The following UPF3A variants were observed in gnomAD, a reference collection of about 807,000 sequenced individuals.
UPF3A encodes the protein regulator of nonsense transcripts 3A.
Under a neutral mutation model 53.5 loss-of-function variants are expected in UPF3A, and 42 were observed. The observed-to-expected ratio is 0.78, with a 90% CI of 0.61 to 1.01. UPF3A has a LOEUF of 1.01. Among genes scored for constraint, UPF3A ranks in the 50% least tolerant of loss-of-function variants. The pLI, the probability that UPF3A is intolerant of heterozygous loss-of-function variation, is 0.00. For synonymous variants in UPF3A, 237 were observed against 225.3 expected (o/e 1.05, Z -0.47); for missense variants, 575 against 598.0 (o/e 0.96, Z 0.40).
Position 114,282,092 on chromosome 13 carries a change from A to C in UPF3A, c.279A>C (p.Ala93=). The C allele has an allele frequency of 6.3e-7, 1 of 1,579,096 alleles. No individual in the cohort carries two copies. Among genetic ancestry groups the C allele is most frequent in the Non-Finnish European group, 8.6e-7 (1 of 1,163,598 alleles). Residue 93 remains alanine (A), a synonymous_variant, in exon 2 of 10, where the codon GCA becomes GCC. Transcript: ENST00000375299. ...AGGAGCAGCTGCGCCCGCTGCCAGC[A>C]CACGACTACTTCGAGTTCTTCGCCG... is the stretch of plus-strand genomic sequence containing the variant. ...QLEEQLRPLP[A]HDYFEFFAAD...
intron 3 of UPF3A, chr13:114,283,628 C>T (rs942118053): frequency 2.5e-6 from 1 of 393,134 alleles, no homozygotes; most frequent in East Asian, 1.6e-4. Context: ...AAACAGCATC[C>T]TTCATGACTG....
At chr13:114,295,393 GCGGCTCTGGCGTGCTCCC>G (rs1453367515) in intron 7 of UPF3A, among the ~76,000 whole-genome samples, 51 of 148,032 alleles carry the variant, frequency 3.4e-4, no homozygotes, top group Middle Eastern at 3.5e-3. Flanking sequence ...CTCGTCTCCA[GCGGCTCTGGCGTGCTCCC>G]CAGCTCGTCT....
At chr13:114,282,488 C>T in intron 2 of UPF3A, 1 of 985,438 alleles carries the variant, frequency 1.0e-6, no homozygotes, top group Non-Finnish European at 1.2e-6. Flanking sequence ...GGCCTCCACG[C>T]TGGTGCCGCA....
At chr13:114,282,997 G>C in intron 3 of UPF3A, 54 bp downstream of exon 3, 1 of 1,256,686 alleles carries the variant, frequency 8.0e-7, no homozygotes, top group Non-Finnish European at 1.1e-6. Flanking sequence ...TACTAATGAA[G>C]TATTGCTAGA....
intron 7 of UPF3A, among the ~76,000 whole-genome samples, chr13:114,292,161 T>C (rs148070500): frequency 2.0e-5 from 3 of 151,192 alleles, no homozygotes; most frequent in East Asian, 1.9e-4. Context: ...GCAGGTGTGT[T>C]ACATGTTCAT....
chr13:114,282,292 A>T (rs1594742182), intron 2 of UPF3A, 165 bp downstream of exon 2: 1 of 839,018 alleles, frequency 1.2e-6, no homozygotes. Context: ...CGTCAAAGAA[A>T]AATACCACCA....
rs201193384 is a variant in UPF3A, at chr13:114,289,045, GGA to G, written c.631+2420_631+2421del. Among the ~76,000 whole-genome samples the G allele has an allele frequency of 8.7e-3, 1,318 of 152,198 alleles. 16 individuals carry two copies. Among genetic ancestry groups the G allele is most frequent in the African/African-American group, 0.029 (1,224 of 41,508 alleles). Reference sequence around the variant, plus strand: ...AGACACGTGGCTCCTGCCGGGGTGGGGAGAGGGGGGCATGTCCTGGCACCTCC... The same window carrying G: ...AGACACGTGGCTCCTGCCGGGGTGGGGAGGGGGGCATGTCCTGGCACCTCC... On this transcript the variant is annotated intron_variant, in intron 5 of 9. Transcript: ENST00000375299.
In UPF3A at chr13:114,282,927, C is replaced by T; in HGVS notation, c.405C>T (p.Ile135=). 1 of 1,607,472 alleles carries T rather than the reference C, an allele frequency of 6.2e-7. No individual in the cohort carries two copies. Among genetic ancestry groups the T allele is most frequent in the Non-Finnish European group, 8.5e-7 (1 of 1,175,402 alleles). Residue 135 remains isoleucine (I), a synonymous_variant, in exon 3 of 10, where the codon ATC becomes ATT. Coordinates refer to ENST00000375299, the MANE Select transcript of UPF3A (RefSeq NM_023011.4). ...TTAGAGATCGTTTTGATGGATATATCTTCCTTGACAGCAAAGGTTGGATTA... is the reference window on the plus strand; with the variant it reads ...TTAGAGATCGTTTTGATGGATATATTTTCCTTGACAGCAAAGGTTGGATTA... ...LLFRDRFDGY[I]FLDSKGLEYP...
At chr13:114,288,027 ACTC>A (rs1362538230) in intron 5 of UPF3A, among the ~76,000 whole-genome samples, 1 of 151,518 alleles carries the variant, frequency 6.6e-6, no homozygotes. Context: ...CTGGTCTTGA[ACTC>A]CTGATCTCAG....
At chr13:114,292,980 G>GAGA (rs1259298540) in intron 7 of UPF3A, among the ~76,000 whole-genome samples, 1 of 150,398 alleles carries the variant, frequency 6.6e-6, no homozygotes, top group African/African-American at 2.5e-5. Flanking sequence ...GCTGAGGCAG[G>GAGA]AGAATCGCTT....
intron 7 of UPF3A, among the ~76,000 whole-genome samples, chr13:114,297,644 C>G (rs536492589): frequency 3.9e-5 from 6 of 152,068 alleles, no homozygotes; most frequent in Non-Finnish European, 8.8e-5. Context: ...GCCTGGCCAA[C>G]ATGATGAAAT....
chr13:114,297,905 G>A (rs372635355), intron 7 of UPF3A, among the ~76,000 whole-genome samples: 17 of 152,338 alleles, frequency 1.1e-4, no homozygotes, highest in African/African-American at 3.8e-4. Context: ...CTATTCAGGA[G>A]GCTGAGGCAG....
chr13:114,302,782 G>A (rs1332541146), intron 9 of UPF3A, among the ~76,000 whole-genome samples: 2 of 152,212 alleles, frequency 1.3e-5, no homozygotes, highest in African/African-American at 2.4e-5. Context: ...AGGTTGTTGT[G>A]TGTATGAACG....
Position 114,286,573 on chromosome 13 carries a change from G to A in UPF3A, c.575G>A (p.Ser192Asn). 6.2e-7 allele frequency: 1 copy of A among 1,614,078 alleles called. No individual in the cohort carries two copies. The highest frequency in any genetic ancestry group is 2.2e-5 in the East Asian group (1 of 44,884). The change falls in exon 5 of 10, where the codon AGT (serine) becomes AAT (asparagine). Residue 192 changes from serine to asparagine, a missense_variant. Coordinates refer to ENST00000375299, the MANE Select transcript of UPF3A (RefSeq NM_023011.4). ...TACTGTGTGGAGGAAGAGAAGACCA[G>A]TGCCAACCCTGAGACTCTGCTGGGG... Reference protein sequence around the residue: ...ETYCVEEEKTSANPETLLGEM... With the variant: ...ETYCVEEEKTNANPETLLGEM...
At chr13:114,295,030 T>C (rs562370890) in intron 7 of UPF3A, among the ~76,000 whole-genome samples, 33 of 148,112 alleles carry the variant, frequency 2.2e-4, no homozygotes, top group African/African-American at 8.4e-4. Context: ...GAGAATGGCA[T>C]GAACCCGGGA....
chr13:114,301,602 A>G, intron 8 of UPF3A, 129 bp from the exon 9 acceptor site: 4 of 786,270 alleles, frequency 5.1e-6, no homozygotes, highest in Non-Finnish European at 8.2e-6. Flanking sequence ...ATCGCAGTGC[A>G]GCCTCAGCAG....
chr13:114,281,603 C>A lies in UPF3A; in HGVS notation c.-37C>A, dbSNP rs1017034654. 5.0e-6 allele frequency: 7 copies of A among 1,388,204 alleles called. No homozygotes were observed. The highest frequency in any genetic ancestry group is 5.6e-6 in the Non-Finnish European group (6 of 1,074,120). The allele number at this position is 1,388,204 out of a possible 1,614,324, so 86.0% of individuals were successfully genotyped here. A position where few individuals can be genotyped will look rare whatever the true frequency, so the allele number is the denominator to read the frequency against. The stretch of plus-strand genomic sequence containing the variant: ...CGGCCGAGCTCTCGCGAGGTTTCGT[C>A]GGGGGCTGGCGGCTGCGGCTCGGCG... On this transcript the variant is annotated 5_prime_UTR_variant, in exon 1 of 10. Coordinates refer to ENST00000375299, the MANE Select transcript of UPF3A (RefSeq NM_023011.4).
rs181398460 is a variant in UPF3A, at chr13:114,298,518, C to T, written c.847-322C>T. 2.6e-3 allele frequency among the ~76,000 whole-genome samples: 400 copies of T among 152,240 alleles called. 1 individual carries two copies. Among genetic ancestry groups the T allele is most frequent in the African/African-American group, 6.0e-3 (251 of 41,526 alleles). On this transcript the variant is annotated intron_variant, in intron 7 of 9. Coordinates refer to ENST00000375299, the MANE Select transcript of UPF3A (RefSeq NM_023011.4). ...GTGCGCCACGGCACTTCAGCCTGGG[C>T]GACAGAGCGAGACTCTGTCTCAAAA... is the stretch of plus-strand genomic sequence containing the variant.
At chr13:114,300,638 C>T (rs893172344) in intron 8 of UPF3A, among the ~76,000 whole-genome samples, 1 of 151,956 alleles carries the variant, frequency 6.6e-6, no homozygotes, top group Non-Finnish European at 1.5e-5. Flanking sequence ...CTCCTGGGTT[C>T]GTGCAATTCT....
Sources: allele counts gnomAD v4.1 joint callset (sites outside exome capture counted in the v4.1 genomes callset), GRCh38; gene constraint gnomAD v4.1.1; transcripts MANE v1.5; gene names NCBI Gene and HGNC (gene_info 2026-07-23, HGNC 2026-07-21).